Variants in CAMK2D observed in about 807,000 individuals in gnomAD.
CAMK2D encodes calcium/calmodulin-dependent protein kinase type II subunit delta.
Under a neutral mutation model 84.0 loss-of-function variants are expected in CAMK2D, and 37 were observed. The ratio of observed to expected loss-of-function variants is 0.44; its 90% confidence interval spans 0.34 to 0.58. CAMK2D has a LOEUF of 0.58. Ranked by LOEUF, CAMK2D falls within the 20% of genes least tolerant of loss-of-function variation. CAMK2D has a pLI of 0.02. For missense variants in CAMK2D, 448 were observed against 652.5 expected, an observed-to-expected ratio of 0.69 and a Z score of 3.41; for synonymous variants, 202 against 212.5, an observed-to-expected ratio of 0.95 and a Z score of 0.43.
intron 4 of CAMK2D, among the ~76,000 whole-genome samples, chr4:113,560,945 T>C (rs1248314898): frequency 6.6e-6 from 1 of 152,142 alleles, no homozygotes; most frequent in Non-Finnish European, 1.5e-5. Flanking sequence ...ATGAATTCCT[T>C]CTGTGGGTCA....
At chr4:113,690,319 C>T (rs902163569) in intron 2 of CAMK2D, among the ~76,000 whole-genome samples, 11 of 152,028 alleles carry the variant, frequency 7.2e-5, no homozygotes, top group Non-Finnish European at 1.0e-4. Flanking sequence ...TTCTACTACT[C>T]GGACCAATAA....
chr4:113,557,770 C>T (rs2098674696), intron 4 of CAMK2D, among the ~76,000 whole-genome samples: 1 of 152,176 alleles, frequency 6.6e-6, no homozygotes, highest in Middle Eastern at 3.4e-3. Context: ...CCCTTAGCTC[C>T]CCAAAATTCC....
At chr4:113,751,499 C>T (rs10003655) in intron 2 of CAMK2D, among the ~76,000 whole-genome samples, 15,957 of 152,112 alleles carry the variant, frequency 0.1, 996 homozygotes, top group Middle Eastern at 0.15. Context: ...TGGCCAGGTG[C>T]GGCGGCTAAC....
intron 3 of CAMK2D, among the ~76,000 whole-genome samples, chr4:113,646,221 T>C (rs1011021827): frequency 1.3e-5 from 2 of 152,208 alleles, no homozygotes; most frequent in African/African-American, 4.8e-5. Flanking sequence ...CCTCTTCAGA[T>C]AATCTAAACT....
chr4:113,498,259 G>C (rs1224161608), intron 16 of CAMK2D, among the ~76,000 whole-genome samples: 1 of 152,162 alleles, frequency 6.6e-6, no homozygotes, highest in Non-Finnish European at 1.5e-5. Flanking sequence ...CACACAAACA[G>C]ATCATCAGCA....
chr4:113,680,755 C>A lies in CAMK2D; in HGVS notation c.161-18983G>T, dbSNP rs116571677. Among the ~76,000 whole-genome samples the A allele has an allele frequency of 4.9e-3, 750 of 152,264 alleles. 3 individuals carry two copies. The highest frequency in any genetic ancestry group is 0.017 in the African/African-American group (707 of 41,548). ...GTGTTATGGAAAAACCTGTCCTTGGCCTGAATGTGGGTGACTCCCATTAGG... is the reference window on the plus strand; with the variant it reads ...GTGTTATGGAAAAACCTGTCCTTGGACTGAATGTGGGTGACTCCCATTAGG... On this transcript the variant is annotated intron_variant, in intron 2 of 20. Coordinates refer to ENST00000511664, the MANE Select transcript of CAMK2D (RefSeq NM_001321571.2).
At chr4:113,621,529 T>C (rs1218619336) in intron 3 of CAMK2D, among the ~76,000 whole-genome samples, 1 of 152,204 alleles carries the variant, frequency 6.6e-6, no homozygotes, top group African/African-American at 2.4e-5. Context: ...TATTCTTGAC[T>C]AGAGTCTTCA....
At chr4:113,531,711 T>C (rs1430041674) in intron 7 of CAMK2D, among the ~76,000 whole-genome samples, 2 of 152,172 alleles carry the variant, frequency 1.3e-5, no homozygotes, top group Non-Finnish European at 2.9e-5. Context: ...CTGTGTACTG[T>C]TAAATAATCA....
intron 5 of CAMK2D, among the ~76,000 whole-genome samples, chr4:113,550,149 A>T (rs2098614383): frequency 6.6e-6 from 1 of 152,162 alleles, no homozygotes; most frequent in Admixed American, 6.5e-5. Flanking sequence ...AATTTTTGAG[A>T]ACTAGTAAAA....
intron 2 of CAMK2D, among the ~76,000 whole-genome samples, chr4:113,707,107 C>T (rs530798321): frequency 2.0e-5 from 3 of 152,128 alleles, no homozygotes; most frequent in South Asian, 2.1e-4. Flanking sequence ...AATATGATAG[C>T]GAGCCACCAT....
intron 16 of CAMK2D, among the ~76,000 whole-genome samples, chr4:113,471,638 G>A (rs1001177205): frequency 6.6e-6 from 1 of 151,848 alleles, no homozygotes; most frequent in African/African-American, 2.4e-5. Flanking sequence ...CTCTTTCTCA[G>A]AGCCATTTCT....
In CAMK2D at chr4:113,465,474, T is replaced by C. The variant is rs1250068795; in HGVS notation, c.1211+55A>G. On this transcript the variant is annotated intron_variant, in intron 17 of 20. Coordinates refer to ENST00000511664, the MANE Select transcript of CAMK2D (RefSeq NM_001321571.2). ...TCAGACATGTTGAATAATGCATTCA[T>C]ATAAAAAATATATTTACCATATGCA... is the stretch of plus-strand genomic sequence containing the variant. 2.1e-5 allele frequency: 20 copies of C among 962,746 alleles called. No homozygotes were observed. The South Asian group carries it at 2.5e-4, about 12-fold the overall frequency. 59.6% of individuals were successfully genotyped at this position (962,746 alleles called of 1,614,324 possible).
In CAMK2D at chr4:113,456,293, G is replaced by A. The variant is rs114064596; in HGVS notation, c.1536-472C>T. Among the ~76,000 whole-genome samples, 1,065 of 152,246 alleles carry A rather than the reference G, an allele frequency of 7.0e-3. 21 individuals are homozygous for A. The highest frequency in any genetic ancestry group is 0.025 in the African/African-American group (1,021 of 41,546). On this transcript the variant is annotated intron_variant, in intron 19 of 20. Coordinates refer to ENST00000511664, the MANE Select transcript of CAMK2D (RefSeq NM_001321571.2). The stretch of plus-strand genomic sequence containing the variant: ...TTCCAAATCTCAAATATTAACAGGT[G>A]ATCCTGGTGAGAGAATTTGGAAAGA...
At chr4:113,745,510 A>G (rs1278756794) in intron 2 of CAMK2D, among the ~76,000 whole-genome samples, 2 of 152,168 alleles carry the variant, frequency 1.3e-5, no homozygotes, top group Non-Finnish European at 2.9e-5. Flanking sequence ...AACTGGTCAT[A>G]TGTTATTATC....
At chr4:113,541,536 T>C (rs1169069106) in intron 6 of CAMK2D, among the ~76,000 whole-genome samples, 2 of 152,204 alleles carry the variant, frequency 1.3e-5, no homozygotes, top group Non-Finnish European at 2.9e-5. Flanking sequence ...ATCTAGAAGA[T>C]GTGCCATCTA....
At chr4:113,548,733 C>A in intron 5 of CAMK2D, 1 of 1,506,230 alleles carries the variant, frequency 6.6e-7, no homozygotes. Flanking sequence ...ACAATGACTG[C>A]AAAGATACAA....
chr4:113,760,592 A>G (rs1275124428), intron 1 of CAMK2D, among the ~76,000 whole-genome samples: 1 of 152,210 alleles, frequency 6.6e-6, no homozygotes, highest in Admixed American at 6.5e-5. Context: ...CCGGCTAACC[A>G]GGAGGCATCT....
chr4:113,736,925 T>C (rs2099582656), intron 2 of CAMK2D, among the ~76,000 whole-genome samples: 2 of 152,144 alleles, frequency 1.3e-5, no homozygotes, highest in Admixed American at 6.5e-5. Context: ...ATATCCAATA[T>C]GCGCATTATG....
At chr4:113,573,596 T>C (rs2098765095) in intron 4 of CAMK2D, among the ~76,000 whole-genome samples, 1 of 152,230 alleles carries the variant, frequency 6.6e-6, no homozygotes, top group Non-Finnish European at 1.5e-5. Context: ...TGAATCCAAG[T>C]ATAACCTTCA....
Sources: allele counts gnomAD v4.1 joint callset (sites outside exome capture counted in the v4.1 genomes callset), GRCh38; gene constraint gnomAD v4.1.1; transcripts MANE v1.5; gene names NCBI Gene and HGNC (gene_info 2026-07-23, HGNC 2026-07-21).